The following TENM1 variants were observed in gnomAD, a reference collection of about 807,000 sequenced individuals.
TENM1 encodes the protein teneurin transmembrane protein 1.
In TENM1, 35 loss-of-function variants were observed where a neutral mutation model predicts 174.8. The observed-to-expected ratio is 0.20, with a 90% CI of 0.15 to 0.27. TENM1 has a LOEUF of 0.27. TENM1 is among the 10% of genes least tolerant of loss of function. TENM1 has a pLI of 1.00. For missense variants in TENM1, 1,633 were observed against 2,130.1 expected, an observed-to-expected ratio of 0.77 and a Z score of 4.59; for synonymous variants, 781 against 798.7, an observed-to-expected ratio of 0.98 and a Z score of 0.37.
chrX:124,533,847 G>A (rs1420917095), intron 15 of TENM1, among the ~76,000 whole-genome samples: 1 of 111,080 alleles, frequency 9.0e-6, no homozygotes, highest in Admixed American at 9.6e-5. Flanking sequence ...TACGCTCAAC[G>A]GCAGGCATTG....
At chrX:124,422,916 T>C (rs1343479973) in intron 23 of TENM1, among the ~76,000 whole-genome samples, 2 of 112,020 alleles carry the variant, frequency 1.8e-5, no homozygotes, top group Non-Finnish European at 3.8e-5. Flanking sequence ...GTGTGTTCTC[T>C]GGATCAGCAG....
At chrX:124,505,562 T>C (rs1046816361) in intron 18 of TENM1, among the ~76,000 whole-genome samples, 7 of 111,346 alleles carry the variant, frequency 6.3e-5, no homozygotes, top group Non-Finnish European at 1.1e-4. Context: ...AGACTTCAAC[T>C]CTCAGATCTA....
intron 1 of TENM1, among the ~76,000 whole-genome samples, chrX:124,926,423 C>T (rs1177883523): frequency 9.0e-6 from 1 of 111,603 alleles, no homozygotes; most frequent in Admixed American, 9.5e-5. Context: ...AACATCCACT[C>T]TTTTTACCCT....
intron 4 of TENM1, among the ~76,000 whole-genome samples, chrX:124,724,991 A>G (rs1437177396): frequency 1.8e-5 from 2 of 111,621 alleles, no homozygotes; most frequent in Non-Finnish European, 3.8e-5. Flanking sequence ...TATGAAGAAC[A>G]GGTGCTTACC....
At chrX:124,510,944 CAGT>C (rs1228726294) in intron 18 of TENM1, among the ~76,000 whole-genome samples, 3 of 112,295 alleles carry the variant, frequency 2.7e-5, no homozygotes, top group Non-Finnish European at 5.6e-5. Flanking sequence ...ATAGATTTCA[CAGT>C]CTACTAATGG....
At chrX:124,540,239 A>G (rs2048289430) in intron 15 of TENM1, among the ~76,000 whole-genome samples, 1 of 112,014 alleles carries the variant, frequency 8.9e-6, no homozygotes, top group South Asian at 3.7e-4. Flanking sequence ...TACTCAATAA[A>G]TGTTGTTGTA....
intron 3 of TENM1, among the ~76,000 whole-genome samples, chrX:124,737,632 A>C (rs1445793960): frequency 8.9e-6 from 1 of 111,974 alleles, no homozygotes; most frequent in Admixed American, 9.5e-5. Flanking sequence ...CTTCAAATAA[A>C]AATATAAGGC....
chrX:124,881,612 GTTGT>G (rs201742091), intron 3 of TENM1, among the ~76,000 whole-genome samples: 1,355 of 110,380 alleles, frequency 0.012, 21 homozygotes, highest in African/African-American at 0.042. Context: ...GCCTGATTAG[GTTGT>G]TTGACATCTT....
At chrX:124,551,005 C>G (rs1425778178) in intron 14 of TENM1, among the ~76,000 whole-genome samples, 1 of 112,662 alleles carries the variant, frequency 8.9e-6, no homozygotes, top group Non-Finnish European at 1.9e-5. Context: ...GGTGATCAAA[C>G]TGCCTTGGCC....
At chrX:125,201,314 G>A in the TENM1 span, among the ~76,000 whole-genome samples, 2 of 112,218 alleles carry the variant, frequency 1.8e-5, no homozygotes, top group Non-Finnish European at 3.8e-5. Flanking sequence ...TGTGATGATA[G>A]TTATGTATAA....
rs73558359 is a variant in TENM1 at position 124,639,044 on chromosome X, A to G, written c.2077+2747T>C. On this transcript the variant is annotated intron_variant, in intron 11 of 31. Transcript: ENST00000422452. ...CACATGTCTCTTAGTTCCTTATATC[A>G]TTCAGCTACAATTGGTCTTCTCAAT... Among the ~76,000 whole-genome samples the G allele has an allele frequency of 8.9e-3, 989 of 111,548 alleles. 9 individuals are homozygous for G. The highest frequency in any genetic ancestry group is 0.031 in the African/African-American group (951 of 30,656).
chrX:124,527,712 G>A (rs1267986598), intron 16 of TENM1, among the ~76,000 whole-genome samples: 2 of 101,685 alleles, frequency 2.0e-5, no homozygotes, highest in East Asian at 3.1e-4. Context: ...AACGTGGCGC[G>A]ATCTCGGCTC....
At chrX:125,150,976 A>G in the TENM1 span, among the ~76,000 whole-genome samples, 1 of 112,492 alleles carries the variant, frequency 8.9e-6, no homozygotes, top group Non-Finnish European at 1.9e-5. Flanking sequence ...TCATGCACCA[A>G]TATTTATCAC....
intron 4 of TENM1, among the ~76,000 whole-genome samples, chrX:124,711,449 C>T (rs767353681): frequency 9.0e-6 from 1 of 111,558 alleles, no homozygotes; most frequent in East Asian, 2.8e-4. Flanking sequence ...GCATAAATAA[C>T]CAATGATTTT....
the TENM1 span, among the ~76,000 whole-genome samples, chrX:125,147,240 A>T: frequency 9.1e-6 from 1 of 109,624 alleles, no homozygotes; most frequent in Admixed American, 9.7e-5. Context: ...ATGTGTATAC[A>T]TGTGTGTATT....
the TENM1 span, among the ~76,000 whole-genome samples, chrX:124,984,015 T>C: frequency 8.9e-6 from 1 of 112,353 alleles, no homozygotes; most frequent in African/African-American, 3.2e-5. Context: ...TATTCAATAA[T>C]AATTTACTAA....
At chrX:124,826,506 A>G (rs773942773) in intron 3 of TENM1, among the ~76,000 whole-genome samples, 31 of 111,628 alleles carry the variant, frequency 2.8e-4, no homozygotes, top group Non-Finnish European at 5.3e-4. Context: ...GCCATAATAG[A>G]GTCATTAAAA....
At chrX:124,486,424 A>T (rs1445017583) in intron 21 of TENM1, among the ~76,000 whole-genome samples, 1 of 112,178 alleles carries the variant, frequency 8.9e-6, no homozygotes, top group African/African-American at 3.2e-5. Context: ...TTGCTTAAGG[A>T]ATCAGTTATG....
At chrX:124,538,683 C>A (rs574952234) in intron 15 of TENM1, among the ~76,000 whole-genome samples, 3 of 111,455 alleles carry the variant, frequency 2.7e-5, no homozygotes, top group African/African-American at 9.8e-5. Context: ...AAAAGCTAAA[C>A]GCAAGGCATA....
Sources: gnomAD v4.1 joint callset for allele counts (sites outside exome capture counted in the v4.1 genomes callset) on GRCh38, gnomAD v4.1.1 for gene constraint, MANE v1.5 for transcripts, NCBI Gene and HGNC (gene_info 2026-07-23, HGNC 2026-07-21) for gene names.